ATP5PO: variants seen among roughly 807,000 people sequenced by gnomAD.
The protein encoded by ATP5PO is ATP synthase peripheral stalk subunit OSCP, mitochondrial.
A neutral mutation model predicts 26.2 loss-of-function variants in ATP5PO; 14 were observed. The ratio of observed to expected loss-of-function variants is 0.53; its 90% CI spans 0.35 to 0.83. The LOEUF (loss-of-function observed/expected upper bound fraction) is 0.83. Ranked by LOEUF, ATP5PO falls within the 40% of genes least tolerant of loss-of-function variation. The pLI is 0.01. For missense variants in ATP5PO, 241 were observed against 258.5 expected (o/e 0.93, Z 0.46); for synonymous variants, 106 against 95.1 (o/e 1.12, Z -0.67).
intron 3 of ATP5PO, among the ~76,000 whole-genome samples, chr21:33,910,976 C>T (rs12626300): frequency 0.082 from 12,534 of 152,194 alleles, 740 homozygotes; most frequent in East Asian, 0.24. Context: ...ATACAACTGG[C>T]CTATGAATTG....
In ATP5PO at chr21:33,903,610, A is replaced by C. The variant is rs11552279; in HGVS notation, c.558T>G (p.Ile186Met). ...CAACATATTTCTCGCCAATGCGCAC[A>C]ATCATTCCACCCAAGATTGACGGAT... ...KTDPSILGGM[I>M]VRIGEKYVDM... The change falls in exon 7 of 7, where the codon ATT (isoleucine) becomes ATG (methionine). Residue 186 changes from isoleucine to methionine, a missense_variant. By Grantham distance (10) the Ile-to-Met change is conservative (BLOSUM62 1). Transcript: ENST00000290299. 113 of 1,614,214 alleles carry C rather than the reference A, an allele frequency of 7.0e-5. 1 individual carries two copies. In the African/African-American group the frequency reaches 1.2e-3, roughly 17 times the overall value.
chr21:33,905,242 G>A (rs1436984342), intron 5 of ATP5PO, among the ~76,000 whole-genome samples: 1 of 152,084 alleles, frequency 6.6e-6, no homozygotes, highest in Non-Finnish European at 1.5e-5. Flanking sequence ...ACAGAATTCT[G>A]AAATATACAT....
Position 33,905,918 on chromosome 21 carries a change from G to GAAAAAAAAAAAAAAAAAA in ATP5PO, c.441+1405_441+1422dup, listed in dbSNP as rs59334506. On this transcript the variant is annotated intron_variant, in intron 5 of 6. Coordinates refer to ENST00000290299, the MANE Select transcript of ATP5PO (RefSeq NM_001697.3). ...CAGAGTGAGACTCAGTCTCAAAAAA[G>GAAAAAAAAAAAAAAAAAA]AAAAAAAAAAAAAAAAAAAAGAAAA... Among the ~76,000 whole-genome samples the GAAAAAAAAAAAAAAAAAA allele has an allele frequency of 4.1e-4, 40 of 98,434 alleles. 1 individual carries two copies. The highest frequency in any genetic ancestry group is 1.0e-3 in the East Asian group (3 of 2,900). 64.6% of individuals were successfully genotyped at this position (98,434 alleles called of 152,430 possible). A position where few individuals can be genotyped will look rare whatever the true frequency, so the allele number is the denominator to read the frequency against.
intron 2 of ATP5PO, among the ~76,000 whole-genome samples, chr21:33,913,752 G>A (rs73899903): frequency 0.021 from 3,139 of 152,208 alleles, 103 homozygotes; most frequent in African/African-American, 0.071. Context: ...ATGGAACATG[G>A]AGAACTGCAT....
At chr21:33,914,782 TTC>T (rs1987292895) in intron 1 of ATP5PO, 1 of 357,608 alleles carries the variant, frequency 2.8e-6, no homozygotes, top group Non-Finnish European at 5.1e-6. Flanking sequence ...AAACACTAAC[TTC>T]CAAGGAGTGC....
At chr21:33,910,150 C>T (rs1005251237) in intron 3 of ATP5PO, among the ~76,000 whole-genome samples, 1 of 152,192 alleles carries the variant, frequency 6.6e-6, no homozygotes, top group African/African-American at 2.4e-5. Flanking sequence ...TTCCAACAAA[C>T]GAACAGCAGT....
At chr21:33,911,290 T>TA (rs1987243424) in intron 3 of ATP5PO, among the ~76,000 whole-genome samples, 1 of 152,008 alleles carries the variant, frequency 6.6e-6, no homozygotes, top group Non-Finnish European at 1.5e-5. Context: ...AAAAAAAAAG[T>TA]AAAAAACATC....
chr21:33,905,535 G>C (rs75721868), intron 5 of ATP5PO, among the ~76,000 whole-genome samples: 1 of 152,106 alleles, frequency 6.6e-6, no homozygotes, highest in African/African-American at 2.4e-5. Context: ...ACAGACTCAC[G>C]CACCCAACAG....
Position 33,909,206 on chromosome 21 carries a change from G to T in ATP5PO, c.204C>A (p.Ile68=). ...AAGCAGCCACTTTGGGTTCCTTCAGGATTTGCTGAAAGCATCAAAAAATAA... is the reference window on the plus strand; with the variant it reads ...AAGCAGCCACTTTGGGTTCCTTCAGTATTTGCTGAAAGCATCAAAAAATAA... The part of the protein sequence containing the change: ...VEKELLRVAQ[I]LKEPKVAASV... The change falls in exon 4 of 7, where the codon ATC becomes ATA. Residue 68 remains isoleucine, a synonymous_variant. Transcript: ENST00000290299. The T allele has an allele frequency of 6.2e-7, 1 of 1,610,940 alleles. No individual in the cohort carries two copies.
intron 5 of ATP5PO, among the ~76,000 whole-genome samples, chr21:33,906,094 T>G (rs1004584103): frequency 6.6e-6 from 1 of 152,082 alleles, no homozygotes; most frequent in African/African-American, 2.4e-5. Flanking sequence ...CTGTAATGAT[T>G]TGCAGCCAGG....
chr21:33,912,186 A>C (rs974156334), intron 3 of ATP5PO, 103 bp downstream of exon 3: 1 of 882,902 alleles, frequency 1.1e-6, no homozygotes, highest in East Asian at 2.6e-5. Context: ...GCTTTTTCCC[A>C]GTTTTTTCTT....
At chr21:33,910,031 A>T (rs940909480) in intron 3 of ATP5PO, among the ~76,000 whole-genome samples, 1 of 152,214 alleles carries the variant, frequency 6.6e-6, no homozygotes, top group Non-Finnish European at 1.5e-5. Context: ...CAGAGTGGAC[A>T]ATAAAACAGG....
intron 3 of ATP5PO, among the ~76,000 whole-genome samples, chr21:33,911,735 C>T (rs954052541): frequency 2.2e-5 from 3 of 135,032 alleles, no homozygotes; most frequent in Admixed American, 8.9e-5. Context: ...GGCGCGATCT[C>T]GGCTCACTGC....
At chr21:33,908,370 C>G (rs981608908) in intron 4 of ATP5PO, among the ~76,000 whole-genome samples, 3 of 152,096 alleles carry the variant, frequency 2.0e-5, no homozygotes, top group African/African-American at 7.2e-5. Context: ...ATATCATGAA[C>G]ACACTTTCTC....
At chr21:33,911,552 C>T (rs1367048822) in intron 3 of ATP5PO, among the ~76,000 whole-genome samples, 1 of 151,554 alleles carries the variant, frequency 6.6e-6, no homozygotes, top group Non-Finnish European at 1.5e-5. Flanking sequence ...TCCTCTGATT[C>T]TACAAGCATA....
chr21:33,915,552 G>T (rs550102510), intron 1 of ATP5PO, 176 bp downstream of exon 1: 2 of 948,000 alleles, frequency 2.1e-6, no homozygotes, highest in African/African-American at 1.7e-5. Flanking sequence ...TGCCCCGTAG[G>T]CATCCCGGGG....
rs1602771232 is a variant in ATP5PO, at chr21:33,907,567, A to C, written c.329-114T>G. On this transcript the variant is annotated intron_variant, in intron 4 of 6. Coordinates refer to ENST00000290299, the MANE Select transcript of ATP5PO (RefSeq NM_001697.3). Reference sequence around the variant, plus strand: ...GATTTGTGGCCTTAAAACACCATATACAGGGGCGCATGCCTATAATCCCAA... The same window carrying C: ...GATTTGTGGCCTTAAAACACCATATCCAGGGGCGCATGCCTATAATCCCAA... 37 of 809,504 alleles carry C rather than the reference A, an allele frequency of 4.6e-5. No homozygotes were observed. In the East Asian group the frequency reaches 9.6e-4, roughly 21 times the overall value. 50.1% of individuals were successfully genotyped at this position (809,504 alleles called of 1,614,324 possible). A position where few individuals can be genotyped will look rare whatever the true frequency, so the allele number is the denominator to read the frequency against.
intron 3 of ATP5PO, among the ~76,000 whole-genome samples, chr21:33,911,829 A>G (rs1987253849): frequency 6.6e-6 from 1 of 151,824 alleles, no homozygotes. Flanking sequence ...ACGTCCCGCT[A>G]ATTTTTTGTA....
chr21:33,909,737 C>T (rs1052342509), intron 3 of ATP5PO, among the ~76,000 whole-genome samples: 5 of 152,208 alleles, frequency 3.3e-5, no homozygotes, highest in Non-Finnish European at 7.3e-5. Flanking sequence ...TTTAAAAATA[C>T]TGTACGAACT....
Sources: gnomAD v4.1 joint callset for allele counts (sites outside exome capture counted in the v4.1 genomes callset) on GRCh38, gnomAD v4.1.1 for gene constraint, MANE v1.5 for transcripts, NCBI Gene and HGNC (gene_info 2026-07-23, HGNC 2026-07-21) for gene names.